Variants in TNFRSF10B observed in about 807,000 individuals in gnomAD.
TNFRSF10B encodes TNF receptor superfamily member 10b, also known as tumor necrosis factor receptor superfamily member 10B.
In TNFRSF10B, 35 loss-of-function variants were observed where a neutral mutation model predicts 41.4. That is an observed-to-expected ratio of 0.85 (90% confidence interval 0.65 to 1.12). The LOEUF is 1.12. Among genes scored for constraint, TNFRSF10B ranks in the 50% most tolerant of loss-of-function variants. The pLI is 0.00. For missense variants in TNFRSF10B, 584 were observed against 552.7 expected (o/e 1.06, Z -0.57); for synonymous variants, 230 against 215.5 (o/e 1.07, Z -0.59).
Position 23,028,166 on chromosome 8 carries a change from G to C in TNFRSF10B, c.748+165C>G, listed in dbSNP as rs1311584283. On this transcript the variant is annotated intron_variant, in intron 5 of 8. Coordinates refer to ENST00000276431, the MANE Select transcript of TNFRSF10B (RefSeq NM_003842.5). ...GGGACTGAAGAGACCAGGGTCCTGGGGGGTGCACGGGATGTGGGGATGGGG... is the reference window on the plus strand; with the variant it reads ...GGGACTGAAGAGACCAGGGTCCTGGCGGGTGCACGGGATGTGGGGATGGGG... 9.1e-6 allele frequency: 8 copies of C among 882,642 alleles called. No individual in the cohort carries two copies. The South Asian group carries it at 1.1e-4, about 12-fold the overall frequency. The allele number at this position is 882,642 out of a possible 1,614,324, so 54.7% of individuals were successfully genotyped here. A position where few individuals can be genotyped will look rare whatever the true frequency, so the allele number is the denominator to read the frequency against.
At chr8:23,050,583 T>C (rs973189484) in intron 1 of TNFRSF10B, among the ~76,000 whole-genome samples, 1 of 152,182 alleles carries the variant, frequency 6.6e-6, no homozygotes, top group African/African-American at 2.4e-5. Context: ...GTTGACTGAA[T>C]TCTGTTTTCT....
chr8:23,049,128 A>G (rs67791511), intron 1 of TNFRSF10B, among the ~76,000 whole-genome samples: 38,001 of 152,034 alleles, frequency 0.25, 4,998 homozygotes, highest in Non-Finnish European at 0.27. Context: ...AATGTAAAAC[A>G]CACACTGGGA....
At chr8:23,043,512 C>A (rs554334630) in intron 1 of TNFRSF10B, among the ~76,000 whole-genome samples, 6 of 152,192 alleles carry the variant, frequency 3.9e-5, no homozygotes, top group Non-Finnish European at 8.8e-5. Flanking sequence ...ACAGACCACA[C>A]GTGATATTCT....
intron 2 of TNFRSF10B, among the ~76,000 whole-genome samples, chr8:23,040,678 T>C (rs1382242369): frequency 1.3e-5 from 2 of 151,696 alleles, no homozygotes; most frequent in Admixed American, 1.3e-4. Context: ...TAATTGAAAA[T>C]AGTTTAAACT....
intron 1 of TNFRSF10B, among the ~76,000 whole-genome samples, chr8:23,061,844 G>A (rs4304328): frequency 0.58 from 88,533 of 152,054 alleles, 26,297 homozygotes; most frequent in East Asian, 0.85. Flanking sequence ...ACATTGTTCA[G>A]TTTTCATTTG....
chr8:23,031,044 T>G (rs989150998), intron 2 of TNFRSF10B, among the ~76,000 whole-genome samples, 172 bp from the exon 3 acceptor site: 6 of 152,202 alleles, frequency 3.9e-5, no homozygotes, highest in Admixed American at 3.9e-4. Context: ...AAACCAGCAC[T>G]GCCAAAAGAA....
At chr8:23,039,706 A>G (rs562733518) in intron 2 of TNFRSF10B, among the ~76,000 whole-genome samples, 1 of 152,172 alleles carries the variant, frequency 6.6e-6, no homozygotes, top group South Asian at 2.1e-4. Context: ...ATACACATAC[A>G]TGTCCTTAAG....
intron 2 of TNFRSF10B, among the ~76,000 whole-genome samples, chr8:23,042,729 C>G (rs140612909): frequency 6.6e-6 from 1 of 152,346 alleles, no homozygotes; most frequent in East Asian, 1.9e-4. Flanking sequence ...TAACCCTCCA[C>G]TCCCCACAGC....
chr8:23,059,538 G>A (rs758124828), intron 1 of TNFRSF10B, among the ~76,000 whole-genome samples: 11 of 151,870 alleles, frequency 7.2e-5, no homozygotes, highest in Admixed American at 1.3e-4. Flanking sequence ...ACAGAGTCTC[G>A]TTCTGTCGCC....
chr8:23,059,090 G>A lies in TNFRSF10B; in HGVS notation c.144+9661C>T, dbSNP rs539104227. Among the ~76,000 whole-genome samples the A allele has an allele frequency of 2.6e-5, 4 of 152,162 alleles. No individual in the cohort carries two copies. The South Asian group carries it at 8.3e-4, about 32-fold the overall frequency. On this transcript the variant is annotated intron_variant, in intron 1 of 8. Transcript: ENST00000276431. The stretch of plus-strand genomic sequence containing the variant: ...TTGACTACATTAGGTACCTCAAGTG[G>A]AATCCTATTTCATTTGTCCTTTTAT...
In TNFRSF10B at chr8:23,020,603, A is replaced by C. The variant is rs1352098509; in HGVS notation, c.*2068T>G. On this transcript the variant is annotated 3_prime_UTR_variant, in exon 9 of 9. Coordinates refer to ENST00000276431, the MANE Select transcript of TNFRSF10B (RefSeq NM_003842.5). ...GCTACTCCGGAGGCTGAGGCACGAG[A>C]ATCGCTTGAACCCAGGAGGCGGAGG... is the stretch of plus-strand genomic sequence containing the variant. 2.2e-6 allele frequency: 1 copy of C among 450,356 alleles called. No individual in the cohort carries two copies. The highest frequency in any genetic ancestry group is 2.4e-5 in the Admixed American group (1 of 42,342). The allele number at this position is 450,356 out of a possible 1,614,324, so 27.9% of individuals were successfully genotyped here.
At chr8:23,058,133 G>C (rs1812722812) in intron 1 of TNFRSF10B, among the ~76,000 whole-genome samples, 1 of 152,160 alleles carries the variant, frequency 6.6e-6, no homozygotes, top group African/African-American at 2.4e-5. Flanking sequence ...TGTAATCCCA[G>C]CTACTTGGGA....
Position 23,022,718 on chromosome 8 carries a change from C to T in TNFRSF10B, c.1276G>A (p.Gly426Arg), listed in dbSNP as rs754153133. The change falls in exon 9 of 9, where the codon GGA becomes AGA. Residue 426 changes from glycine to arginine, a missense_variant. Coordinates refer to ENST00000276431, the MANE Select transcript of TNFRSF10B (RefSeq NM_003842.5). ...TTACCTTCTAGATACATGAACTTTC[C>T]AGAGCTCAACAAGTGGTCCTCAATC... ...QKIEDHLLSS[G>R]KFMYLEGNAD... is the part of the protein sequence containing the mutation. 2 of 1,614,028 alleles carry T rather than the reference C, an allele frequency of 1.2e-6. No individual in the cohort carries two copies. Among genetic ancestry groups the T allele is most frequent in the South Asian group, 2.2e-5 (2 of 91,074 alleles).
intron 2 of TNFRSF10B, among the ~76,000 whole-genome samples, chr8:23,032,192 G>T (rs1038619604): frequency 2.0e-5 from 3 of 152,144 alleles, no homozygotes; most frequent in African/African-American, 7.2e-5. Flanking sequence ...CATGGGCCTA[G>T]GGACTACTAT....
At chr8:23,044,531 C>A (rs1812298425) in intron 1 of TNFRSF10B, among the ~76,000 whole-genome samples, 1 of 152,062 alleles carries the variant, frequency 6.6e-6, no homozygotes, top group Non-Finnish European at 1.5e-5. Flanking sequence ...TAACAAGCTC[C>A]TGAATAGCCA....
At chr8:23,050,356 C>A (rs1812491363) in intron 1 of TNFRSF10B, among the ~76,000 whole-genome samples, 1 of 152,150 alleles carries the variant, frequency 6.6e-6, no homozygotes, top group African/African-American at 2.4e-5. Context: ...GTATTGGGTC[C>A]ATCTCTGCTG....
At chr8:23,059,249 G>C (rs1812755378) in intron 1 of TNFRSF10B, among the ~76,000 whole-genome samples, 1 of 152,160 alleles carries the variant, frequency 6.6e-6, no homozygotes, top group Non-Finnish European at 1.5e-5. Context: ...TGTCCAACTT[G>C]AGTTTCTTCC....
At chr8:23,029,218 G>A (rs1430194676) in intron 4 of TNFRSF10B, among the ~76,000 whole-genome samples, 1 of 152,140 alleles carries the variant, frequency 6.6e-6, no homozygotes, top group Non-Finnish European at 1.5e-5. Flanking sequence ...TTGTCTTTAT[G>A]GGCCCCTGCA....
chr8:23,039,997 G>A (rs1431869831), intron 2 of TNFRSF10B, among the ~76,000 whole-genome samples: 1 of 151,910 alleles, frequency 6.6e-6, no homozygotes, highest in African/African-American at 2.4e-5. Flanking sequence ...GTTTGAGACA[G>A]CCTGACCAAC....
Sources: allele counts gnomAD v4.1 joint callset (sites outside exome capture counted in the v4.1 genomes callset), GRCh38; gene constraint gnomAD v4.1.1; transcripts MANE v1.5; gene names NCBI Gene and HGNC (gene_info 2026-07-23, HGNC 2026-07-21).